Variants in MYO19 observed in about 807,000 individuals in gnomAD.
MYO19 encodes the protein unconventional myosin-XIX.
In MYO19, 132 loss-of-function variants were observed where a neutral mutation model predicts 129.2. That is an observed-to-expected ratio of 1.02 (90% CI 0.89 to 1.18). The LOEUF is 1.18. Ranked by LOEUF, MYO19 falls within the 50% of genes most tolerant of loss-of-function variation. The pLI, the probability that MYO19 is intolerant of heterozygous loss-of-function variation, is 0.00. For synonymous variants in MYO19, 531 were observed against 477.2 expected, an observed-to-expected ratio of 1.11 and a Z score of -1.47; for missense variants, 1,210 against 1,216.7, an observed-to-expected ratio of 0.99 and a Z score of 0.08.
chr17:36,528,261 C>G, intron 3 of MYO19, 59 bp from the exon 4 acceptor site: 1 of 1,512,236 alleles, frequency 6.6e-7, no homozygotes, highest in South Asian at 1.2e-5. Context: ...ATAATCCCAG[C>G]ACTCTGGGAG....
At chr17:36,522,269 G>A (rs574958242) in intron 6 of MYO19, among the ~76,000 whole-genome samples, 2 of 152,150 alleles carry the variant, frequency 1.3e-5, no homozygotes, top group African/African-American at 4.8e-5. Flanking sequence ...CAGCACTTTG[G>A]GAGGCCGAGG....
At chr17:36,507,743 G>A (rs2072018885) in intron 15 of MYO19, 60 bp downstream of exon 15, 2 of 1,515,818 alleles carry the variant, frequency 1.3e-6, no homozygotes, top group Non-Finnish European at 1.8e-6. Flanking sequence ...GGGCTGGAAG[G>A]TCAGGAAGGG....
At position 36,495,975 on chromosome 17, in the gene MYO19, A is replaced by G; in HGVS notation, c.*276T>C. Reference sequence around the variant, plus strand: ...TGACAGACAGTCATGACTGCTGCTGAGTTTGATCTGTGAAGGTAGTGAAAT... The same window carrying G: ...TGACAGACAGTCATGACTGCTGCTGGGTTTGATCTGTGAAGGTAGTGAAAT... On this transcript the variant is annotated 3_prime_UTR_variant, in exon 26 of 26. Coordinates refer to ENST00000614623, the MANE Select transcript of MYO19 (RefSeq NM_001163735.2). 2.3e-6 allele frequency: 2 copies of G among 858,516 alleles called. No individual in the cohort carries two copies. Among genetic ancestry groups the G allele is most frequent in the Non-Finnish European group, 3.2e-6 (2 of 626,778 alleles). The allele number at this position is 858,516 out of a possible 1,614,324, so 53.2% of individuals were successfully genotyped here. A position where few individuals can be genotyped will look rare whatever the true frequency, so the allele number is the denominator to read the frequency against.
chr17:36,503,099 G>A lies in MYO19; in HGVS notation c.2078C>T (p.Pro693Leu), dbSNP rs141866637. ...PDSPYPAKGLPEWCPHSEEAT... is the reference protein window; with the variant it reads ...PDSPYPAKGLLEWCPHSEEAT... ...ACTAACTCATGGGTCCCACTCACCA[G>A]GGAGCCCTTTGGCAGGATATGGGCT... The change falls in exon 21 of 26, where the codon CCT becomes CTT. Residue 693 changes from proline (P) to leucine (L), a missense_variant and splice_region_variant. Pro to Leu is a moderately conservative substitution (Grantham distance 98). Transcript: ENST00000614623. 3.3e-4 allele frequency: 534 copies of A among 1,613,246 alleles called. 4 individuals carry two copies. In the African/African-American group the frequency reaches 6.6e-3, roughly 20 times the overall value.
intron 5 of MYO19, among the ~76,000 whole-genome samples, chr17:36,526,948 G>A (rs551924954): frequency 1.3e-5 from 2 of 152,198 alleles, no homozygotes; most frequent in Non-Finnish European, 2.9e-5. Flanking sequence ...GGGAGGCCAA[G>A]GTGGGTAGAT....
At chr17:36,518,616 A>G (rs1387214813) in intron 6 of MYO19, among the ~76,000 whole-genome samples, 2 of 144,264 alleles carry the variant, frequency 1.4e-5, no homozygotes, top group African/African-American at 2.6e-5. Context: ...GTATGTATAT[A>G]TATGTCTCCT....
intron 2 of MYO19, among the ~76,000 whole-genome samples, chr17:36,540,063 C>T (rs2074189101): frequency 6.6e-6 from 1 of 151,896 alleles, no homozygotes; most frequent in Non-Finnish European, 1.5e-5. Context: ...GAAGGCTGAA[C>T]ACAGAAGAAG....
upstream of MYO19, chr17:36,538,107 T>G (rs1009368269): frequency 5.0e-6 from 8 of 1,614,210 alleles, no homozygotes; most frequent in Non-Finnish European, 6.8e-6. Flanking sequence ...TATCAAAGAC[T>G]TGATAAAAGT....
chr17:36,502,217 A>C (rs200032087), intron 21 of MYO19, among the ~76,000 whole-genome samples: 1 of 152,082 alleles, frequency 6.6e-6, no homozygotes, highest in South Asian at 2.1e-4. Context: ...TGTGGCTCCC[A>C]CAGCCTCTCT....
chr17:36,523,877 G>GC (rs2073300024), intron 6 of MYO19, among the ~76,000 whole-genome samples: 1 of 152,180 alleles, frequency 6.6e-6, no homozygotes, highest in African/African-American at 2.4e-5. Flanking sequence ...GCAAGTAACT[G>GC]CATCTGGAGA....
At position 36,501,064 on chromosome 17, in the gene MYO19, C is replaced by T; in HGVS notation, c.2247+5G>A. ...TGTAACCTCCTCATCCCCAAACCAG[C>T]TCACCATAGAGTCAGTCATGAACAC... On this transcript the variant is annotated splice_donor_5th_base_variant and intron_variant, in intron 22 of 25. Coordinates refer to ENST00000614623, the MANE Select transcript of MYO19 (RefSeq NM_001163735.2). The T allele has an allele frequency of 2.5e-6, 4 of 1,607,488 alleles. No homozygotes were observed. The highest frequency in any genetic ancestry group is 3.4e-6 in the Non-Finnish European group (4 of 1,174,774).
chr17:36,499,242 A>T (rs917534623), intron 23 of MYO19, 82 bp from the exon 24 acceptor site: 2 of 949,688 alleles, frequency 2.1e-6, no homozygotes, highest in Admixed American at 2.6e-5. Flanking sequence ...GCAGCACCAC[A>T]GTTGCTGTCA....
At chr17:36,528,006 T>G (rs1330439647) in intron 4 of MYO19, 58 bp downstream of exon 4, 1 of 1,581,182 alleles carries the variant, frequency 6.3e-7, no homozygotes, top group East Asian at 2.3e-5. Context: ...TGCTGACTAC[T>G]CTCATTACAC....
intron 3 of MYO19, among the ~76,000 whole-genome samples, chr17:36,530,558 G>A (rs556621637): frequency 4.1e-5 from 6 of 145,380 alleles, no homozygotes; most frequent in African/African-American, 1.0e-4. Flanking sequence ...CCGGGTTCAC[G>A]CCATTCTCCT....
intron 6 of MYO19, among the ~76,000 whole-genome samples, chr17:36,517,884 T>A (rs2072862237): frequency 6.6e-6 from 1 of 151,412 alleles, no homozygotes; most frequent in African/African-American, 2.4e-5. Flanking sequence ...AGTTCAGCAG[T>A]TCAAAACCAG....
upstream of MYO19, chr17:36,535,653 T>C (rs1026772991): frequency 1.3e-5 from 2 of 152,216 alleles, no homozygotes; most frequent in Admixed American, 6.5e-5. Flanking sequence ...AAAAGACTTT[T>C]TATTTTTATG....
rs2070905269 is a variant in MYO19 at position 36,495,686 on chromosome 17, T to A, written c.*565A>T. On this transcript the variant is annotated 3_prime_UTR_variant, in exon 26 of 26. Coordinates refer to ENST00000614623, the MANE Select transcript of MYO19 (RefSeq NM_001163735.2). ...TACAGTTGATAGACATCATAAACGATATCAAGCTTACACTTCATATGGAGT... is the reference window on the plus strand; with the variant it reads ...TACAGTTGATAGACATCATAAACGAAATCAAGCTTACACTTCATATGGAGT... The A allele has an allele frequency of 7.9e-7, 1 of 1,265,692 alleles. No individual in the cohort carries two copies. Among genetic ancestry groups the A allele is most frequent in the African/African-American group, 1.5e-5 (1 of 65,304 alleles). The allele number at this position is 1,265,692 out of a possible 1,614,324, so 78.4% of individuals were successfully genotyped here.
At chr17:36,503,256 C>T (rs574364972) in intron 20 of MYO19, 56 bp from the exon 21 acceptor site, 65 of 1,362,272 alleles carry the variant, frequency 4.8e-5, no homozygotes, top group Non-Finnish European at 6.4e-5. Flanking sequence ...GCCAGGTTAA[C>T]GGTTCAGGGC....
At chr17:36,532,865 G>A (rs2073907590) in intron 2 of MYO19, among the ~76,000 whole-genome samples, 184 bp from the exon 3 acceptor site, 1 of 152,186 alleles carries the variant, frequency 6.6e-6, no homozygotes, top group Admixed American at 6.5e-5. Flanking sequence ...GAGCCTCAGA[G>A]GCTCCCTGGG....
Sources: allele counts gnomAD v4.1 joint callset (sites outside exome capture counted in the v4.1 genomes callset), GRCh38; gene constraint gnomAD v4.1.1; transcripts MANE v1.5; gene names NCBI Gene and HGNC (gene_info 2026-07-23, HGNC 2026-07-21).